STAT3: variants seen among roughly 807,000 people sequenced by gnomAD.
STAT3 encodes DNA-binding protein APRF.
A neutral mutation model predicts 114.3 loss-of-function variants in STAT3; 7 were observed. The ratio of observed to expected loss-of-function variants is 0.06; its 90% CI spans 0.03 to 0.11. The LOEUF (loss-of-function observed/expected upper bound fraction) is 0.11. Among genes scored for constraint, STAT3 ranks in the 10% least tolerant of loss-of-function variants. The probability of loss-of-function intolerance (pLI) is 1.00; values close to 1 mark genes in which losing one functional copy is unlikely to be tolerated. For missense variants in STAT3, 364 were observed against 960.9 expected (o/e 0.38, Z 8.21); for synonymous variants, 331 against 354.5 (o/e 0.93, Z 0.74).
chr17:42,322,156 C>A, intron 21 of STAT3, 126 bp downstream of exon 21: 1 of 921,936 alleles, frequency 1.1e-6, no homozygotes, highest in Non-Finnish European at 1.7e-6. Context: ...CACTACAATT[C>A]TTTCCCATAA....
At chr17:42,318,174 G>A (rs2081327302) in intron 21 of STAT3, among the ~76,000 whole-genome samples, 1 of 151,828 alleles carries the variant, frequency 6.6e-6, no homozygotes, top group African/African-American at 2.4e-5. Flanking sequence ...CCAGGTTGGA[G>A]TGCAGTAGCG....
intron 1 of STAT3, among the ~76,000 whole-genome samples, chr17:42,362,934 C>A (rs896611886): frequency 6.6e-6 from 1 of 152,182 alleles, no homozygotes; most frequent in Non-Finnish European, 1.5e-5. Context: ...CCTTCTATCA[C>A]CATCACCATG....
intron 18 of STAT3, 96 bp from the exon 19 acceptor site, chr17:42,323,450 T>C: frequency 1.3e-6 from 2 of 1,558,826 alleles, no homozygotes; most frequent in South Asian, 1.1e-5. Context: ...CAGGCCCGTC[T>C]ACCTTCAGGC....
chr17:42,368,007 A>C (rs1344760407), intron 1 of STAT3, among the ~76,000 whole-genome samples: 2 of 152,196 alleles, frequency 1.3e-5, no homozygotes, highest in South Asian at 2.1e-4. Flanking sequence ...TGGTAAAGCA[A>C]ACATACAAAG....
chr17:42,347,200 A>AAC (rs2145000719), intron 2 of STAT3, among the ~76,000 whole-genome samples: 1 of 151,440 alleles, frequency 6.6e-6, no homozygotes, highest in African/African-American at 2.4e-5. Flanking sequence ...AAAAAAAAAA[A>AAC]AAACCACAAA....
intron 20 of STAT3, 127 bp from the exon 21 acceptor site, chr17:42,322,621 A>C (rs1438296474): frequency 9.7e-7 from 1 of 1,034,382 alleles, no homozygotes; most frequent in Non-Finnish European, 1.5e-6. Flanking sequence ...GACCCTGAAC[A>C]CCCTGTTCAG....
chr17:42,328,789 A>G (rs934867990), intron 14 of STAT3, among the ~76,000 whole-genome samples: 5 of 152,164 alleles, frequency 3.3e-5, no homozygotes, highest in African/African-American at 7.2e-5. Context: ...AATGACTGAA[A>G]ACTAGCCTTC....
chr17:42,365,461 C>T (rs1202963090), intron 1 of STAT3, among the ~76,000 whole-genome samples: 1 of 152,122 alleles, frequency 6.6e-6, no homozygotes, highest in Admixed American at 6.6e-5. Context: ...ACGGCATCTT[C>T]GAACATAGTC....
intron 1 of STAT3, among the ~76,000 whole-genome samples, chr17:42,366,518 A>G (rs2083798932): frequency 6.6e-6 from 1 of 152,050 alleles, no homozygotes; most frequent in Non-Finnish European, 1.5e-5. Context: ...GAAATATACA[A>G]AAATTAGCCG....
chr17:42,343,455 C>CTTTTTTTT (rs34846688), intron 4 of STAT3, among the ~76,000 whole-genome samples: 2 of 99,170 alleles, frequency 2.0e-5, no homozygotes, highest in African/African-American at 7.9e-5. Context: ...TCAGATCTTT[C>CTTTTTTTT]TTTTTTTTTT....
chr17:42,369,735 C>T (rs934253849), intron 1 of STAT3, among the ~76,000 whole-genome samples: 3 of 152,076 alleles, frequency 2.0e-5, no homozygotes, highest in East Asian at 1.9e-4. Flanking sequence ...ACTATAACCT[C>T]GAACTATCAA....
intron 1 of STAT3, among the ~76,000 whole-genome samples, chr17:42,356,267 AC>A (rs1395433365): frequency 1.3e-5 from 2 of 152,110 alleles, no homozygotes; most frequent in Non-Finnish European, 2.9e-5. Context: ...AAAGATAAAA[AC>A]ATCCATATCC....
intron 1 of STAT3, among the ~76,000 whole-genome samples, chr17:42,380,653 T>G (rs1037233092): frequency 3.3e-5 from 5 of 152,146 alleles, no homozygotes; most frequent in Non-Finnish European, 5.9e-5. Flanking sequence ...CCTCCCAAAG[T>G]GCTGGGATTA....
chr17:42,318,905 A>G (rs930798488), intron 21 of STAT3, among the ~76,000 whole-genome samples: 1 of 152,172 alleles, frequency 6.6e-6, no homozygotes, highest in African/African-American at 2.4e-5. Context: ...GCCCTTAGGG[A>G]GCTGACACCC....
Position 42,388,368 on chromosome 17 carries a change from G to A in STAT3, c.-113C>T. On this transcript the variant is annotated 5_prime_UTR_variant, in exon 1 of 24. Coordinates refer to ENST00000264657, the MANE Select transcript of STAT3 (RefSeq NM_139276.3). ...CCCTCAGGCCGAAGGGCCTCTCCGA[G>A]CCGAGGGGGAGAGACAGCGCCAAGC... is the stretch of plus-strand genomic sequence containing the variant. 8.1e-7 allele frequency: 1 copy of A among 1,231,712 alleles called. No homozygotes were observed. Among genetic ancestry groups the A allele is most frequent in the Non-Finnish European group, 1.0e-6 (1 of 987,936 alleles). 76.3% of individuals were successfully genotyped at this position (1,231,712 alleles called of 1,614,324 possible).
intron 18 of STAT3, 97 bp downstream of exon 18, chr17:42,323,476 C>T: frequency 2.6e-6 from 4 of 1,553,986 alleles, no homozygotes; most frequent in Non-Finnish European, 3.6e-6. Flanking sequence ...CTACTGGCCG[C>T]TGGACCAAGA....
At chr17:42,377,977 A>C (rs1044540292) in intron 1 of STAT3, among the ~76,000 whole-genome samples, 1 of 140,162 alleles carries the variant, frequency 7.1e-6, no homozygotes, top group Non-Finnish European at 1.5e-5. Context: ...TTTCTGCAGA[A>C]ACAGGATTTT....
At chr17:42,331,792 G>A (rs2082021748) in intron 10 of STAT3, among the ~76,000 whole-genome samples, 1 of 152,072 alleles carries the variant, frequency 6.6e-6, no homozygotes, top group African/African-American at 2.4e-5. Context: ...GCGGGGTGTG[G>A]TAGCATGTAC....
At position 42,315,407 on chromosome 17, in the gene STAT3, A is replaced by G. The variant is rs1032814116; in HGVS notation, c.*338T>C. On this transcript the variant is annotated 3_prime_UTR_variant, in exon 24 of 24. Transcript: ENST00000264657. The stretch of plus-strand genomic sequence containing the variant: ...CTTGTCTAAGAACAACAACAACAAT[A>G]ACAAAAAGCTGCTGAGAAAGGAGGG... 4.3e-6 allele frequency: 2 copies of G among 470,204 alleles called. No homozygotes were observed. Among genetic ancestry groups the G allele is most frequent in the African/African-American group, 3.9e-5 (2 of 51,602 alleles). 29.1% of individuals were successfully genotyped at this position (470,204 alleles called of 1,614,324 possible). A position where few individuals can be genotyped will look rare whatever the true frequency, so the allele number is the denominator to read the frequency against.
Sources: allele counts gnomAD v4.1 joint callset (sites outside exome capture counted in the v4.1 genomes callset), GRCh38; gene constraint gnomAD v4.1.1; transcripts MANE v1.5; gene names NCBI Gene and HGNC (gene_info 2026-07-23, HGNC 2026-07-21).